Variants in PPP2CA observed in about 807,000 individuals in gnomAD.
PPP2CA encodes serine/threonine-protein phosphatase 2A catalytic subunit alpha isoform.
A neutral mutation model predicts 38.8 loss-of-function variants in PPP2CA; 5 were observed. That is an observed-to-expected ratio of 0.13 (90% CI 0.07 to 0.27). The LOEUF (loss-of-function observed/expected upper bound fraction) is 0.27, where lower values mean the gene tolerates loss of function less well. PPP2CA is among the 10% of genes least tolerant of loss of function. The probability of loss-of-function intolerance (pLI) is 1.00; values close to 1 mark genes in which losing one functional copy is unlikely to be tolerated. For missense variants in PPP2CA, 88 were observed against 389.7 expected (o/e 0.23, Z 6.52); for synonymous variants, 152 against 134.0 (o/e 1.13, Z -0.93).
chr5:134,213,601 T>C (rs1426450226), intron 1 of PPP2CA, among the ~76,000 whole-genome samples: 2 of 151,494 alleles, frequency 1.3e-5, no homozygotes, highest in Non-Finnish European at 2.9e-5. Flanking sequence ...GCCTGGGCAA[T>C]GTGGCGAGAC....
chr5:134,204,069 A>G (rs925947080), intron 2 of PPP2CA, among the ~76,000 whole-genome samples: 2 of 152,248 alleles, frequency 1.3e-5, no homozygotes, highest in African/African-American at 2.4e-5. Flanking sequence ...TTCATTTTAC[A>G]GATGCAGAAA....
At chr5:134,225,521 A>G in intron 1 of PPP2CA, 4 of 448,926 alleles carry the variant, frequency 8.9e-6, no homozygotes, top group Non-Finnish European at 1.6e-5. Flanking sequence ...CGGCTGACTC[A>G]AAAGCCCAGG....
At chr5:134,200,623 A>T in intron 4 of PPP2CA, 127 bp from the exon 5 acceptor site, 1 of 1,041,498 alleles carries the variant, frequency 9.6e-7, no homozygotes, top group Non-Finnish European at 1.4e-6. Context: ...ATGCTAATAG[A>T]CTGTGCAGTT....
intron 1 of PPP2CA, chr5:134,225,496 GTC>G (rs1762552132): frequency 2.5e-6 from 1 of 407,058 alleles, no homozygotes; most frequent in Non-Finnish European, 4.4e-6. Context: ...CTGCCACCTC[GTC>G]TGGCGCCAAG....
Sources: allele counts gnomAD v4.1 joint callset (sites outside exome capture counted in the v4.1 genomes callset), GRCh38; gene constraint gnomAD v4.1.1; transcripts MANE v1.5; gene names NCBI Gene and HGNC (gene_info 2026-07-23, HGNC 2026-07-21).